ROBO1: variants seen among roughly 807,000 people sequenced by gnomAD.
ROBO1 encodes the protein roundabout guidance receptor 1.
ROBO1 carries 149 observed loss-of-function variants against 195.9 expected under a neutral mutation model. The observed-to-expected ratio is 0.76, with a 90% confidence interval of 0.67 to 0.87. The LOEUF (loss-of-function observed/expected upper bound fraction) is 0.87. Ranked by LOEUF, ROBO1 falls within the 40% of genes least tolerant of loss-of-function variation. The pLI is 0.00. For synonymous variants in ROBO1, 816 were observed against 733.2 expected, an observed-to-expected ratio of 1.11 and a Z score of -1.82; for missense variants, 1,933 against 2,068.3, an observed-to-expected ratio of 0.93 and a Z score of 1.27.
intron 1 of ROBO1, among the ~76,000 whole-genome samples, chr3:79,624,496 T>G (rs760553936): frequency 3.3e-5 from 5 of 150,722 alleles, no homozygotes; most frequent in Non-Finnish European, 7.4e-5. Context: ...AATAAAGGGA[T>G]AGAGAAAAAT....
At position 78,659,811 on chromosome 3, in the gene ROBO1, T is replaced by C; in HGVS notation, c.2321-4A>G. 6.3e-7 allele frequency: 1 copy of C among 1,597,676 alleles called. No homozygotes were observed. The highest frequency in any genetic ancestry group is 8.5e-7 in the Non-Finnish European group (1 of 1,172,246). On this transcript the variant is annotated splice_polypyrimidine_tract_variant and splice_region_variant and intron_variant, in intron 16 of 30. Transcript: ENST00000464233. Reference sequence around the variant, plus strand: ...CCTTGGGGTGGGGCACTGGGTGCTATTAAATTGTTTTAAAAGGTAGGTTAT... The same window carrying C: ...CCTTGGGGTGGGGCACTGGGTGCTACTAAATTGTTTTAAAAGGTAGGTTAT...
chr3:79,612,034 T>C (rs780757542), intron 1 of ROBO1, among the ~76,000 whole-genome samples: 6 of 130,952 alleles, frequency 4.6e-5, no homozygotes, highest in Non-Finnish European at 9.7e-5. Flanking sequence ...TTTTTTTTTA[T>C]TATTTTTTTA....
At chr3:79,404,252 A>G (rs2037465490) in intron 2 of ROBO1, among the ~76,000 whole-genome samples, 1 of 152,080 alleles carries the variant, frequency 6.6e-6, no homozygotes, top group African/African-American at 2.4e-5. Context: ...TGATCAACAA[A>G]GTTACACTGG....
chr3:79,332,868 A>G (rs986337019), intron 2 of ROBO1, among the ~76,000 whole-genome samples: 4 of 152,208 alleles, frequency 2.6e-5, no homozygotes, highest in African/African-American at 9.6e-5. Flanking sequence ...CATGGATCTT[A>G]TATACTAGTG....
intron 1 of ROBO1, among the ~76,000 whole-genome samples, chr3:79,593,076 A>G (rs576084988): frequency 1.3e-5 from 2 of 151,822 alleles, no homozygotes; most frequent in African/African-American, 2.4e-5. Context: ...TTTTCTTTTC[A>G]TGTCTTGATA....
intron 2 of ROBO1, among the ~76,000 whole-genome samples, chr3:79,371,638 T>C (rs917517686): frequency 1.5e-4 from 23 of 152,048 alleles, no homozygotes; most frequent in African/African-American, 5.6e-4. Context: ...CGGAGGGTAA[T>C]ATATAAACAT....
intron 3 of ROBO1, among the ~76,000 whole-genome samples, chr3:79,038,203 G>A (rs1036465000): frequency 2.0e-5 from 3 of 152,150 alleles, no homozygotes; most frequent in African/African-American, 7.2e-5. Context: ...ATAGTGATTT[G>A]TGGTATAGAA....
intron 1 of ROBO1, among the ~76,000 whole-genome samples, chr3:79,636,440 A>C (rs151287326): frequency 4.6e-5 from 7 of 152,260 alleles, no homozygotes; most frequent in African/African-American, 1.7e-4. Flanking sequence ...AAGTTCTAGA[A>C]TCCGTTGACT....
intron 3 of ROBO1, among the ~76,000 whole-genome samples, chr3:79,040,953 G>A (rs2078477317): frequency 2.0e-5 from 3 of 152,060 alleles, no homozygotes; most frequent in Admixed American, 6.6e-5. Context: ...TCACTCCTTT[G>A]ACTTCCCTCC....
At chr3:79,393,652 A>G (rs1191470178) in intron 2 of ROBO1, among the ~76,000 whole-genome samples, 1 of 152,160 alleles carries the variant, frequency 6.6e-6, no homozygotes, top group Non-Finnish European at 1.5e-5. Context: ...GTCATTCTTC[A>G]CAAGTGGCAG....
At chr3:78,896,663 A>AT (rs1266613238) in intron 4 of ROBO1, among the ~76,000 whole-genome samples, 32 of 150,928 alleles carry the variant, frequency 2.1e-4, no homozygotes, top group African/African-American at 6.8e-4. Flanking sequence ...GCTCACAAAA[A>AT]AAAAAAAAAA....
Position 78,889,480 on chromosome 3 carries a change from G to A in ROBO1, c.499+49121C>T, listed in dbSNP as rs562173272. 9.2e-5 allele frequency among the ~76,000 whole-genome samples: 14 copies of A among 152,308 alleles called. No homozygotes were observed. In the East Asian group the frequency reaches 2.7e-3, roughly 29 times the overall value. On this transcript the variant is annotated intron_variant, in intron 4 of 30. Transcript: ENST00000464233. ...TGCGTAAGGGTACACTCATAGAAAC[G>A]TGATTTTCATTAGCATAGACACAGT...
intron 2 of ROBO1, among the ~76,000 whole-genome samples, chr3:79,311,933 A>C (rs2033506974): frequency 6.6e-6 from 1 of 152,120 alleles, no homozygotes; most frequent in African/African-American, 2.4e-5. Flanking sequence ...CTCTATATCC[A>C]TCCCAGACCT....
At chr3:79,740,795 T>C (rs979319355) in intron 1 of ROBO1, among the ~76,000 whole-genome samples, 1 of 152,350 alleles carries the variant, frequency 6.6e-6, no homozygotes, top group Non-Finnish European at 1.5e-5. Flanking sequence ...ACTTGTTTTG[T>C]TCTGCACAAC....
intron 2 of ROBO1, among the ~76,000 whole-genome samples, chr3:79,532,359 C>T (rs1397641037): frequency 1.0e-5 from 1 of 100,262 alleles, no homozygotes; most frequent in Non-Finnish European, 2.3e-5. Context: ...TACCTTAGCA[C>T]ACAAGTTGAC....
intron 3 of ROBO1, among the ~76,000 whole-genome samples, chr3:79,055,943 TTC>T (rs557453801): frequency 5.9e-4 from 90 of 152,188 alleles, no homozygotes; most frequent in African/African-American, 2.1e-3. Flanking sequence ...ATGTGGAACC[TTC>T]TCTTTCTCCC....
intron 2 of ROBO1, among the ~76,000 whole-genome samples, chr3:79,402,075 GT>G (rs2037386338): frequency 6.6e-6 from 1 of 151,434 alleles, no homozygotes; most frequent in Non-Finnish European, 1.5e-5. Flanking sequence ...TGTTCAGTGT[GT>G]TTTTTTAAGC....
At chr3:79,011,678 AAT>A (rs200573699) in intron 3 of ROBO1, among the ~76,000 whole-genome samples, 3,025 of 148,190 alleles carry the variant, frequency 0.02, 44 homozygotes, top group Non-Finnish European at 0.03. Flanking sequence ...TTTATATATA[AAT>A]ATATATGTTT....
At chr3:78,608,411 T>G (rs906757765) in intron 28 of ROBO1, among the ~76,000 whole-genome samples, 3 of 152,226 alleles carry the variant, frequency 2.0e-5, no homozygotes, top group African/African-American at 7.2e-5. Context: ...CAGCCTATAA[T>G]TCAATTTTGT....
Sources: gnomAD v4.1 joint callset for allele counts (sites outside exome capture counted in the v4.1 genomes callset) on GRCh38, gnomAD v4.1.1 for gene constraint, MANE v1.5 for transcripts, NCBI Gene and HGNC (gene_info 2026-07-23, HGNC 2026-07-21) for gene names.